Variants in TMEM117 observed in about 807,000 individuals in gnomAD.
TMEM117 encodes transmembrane protein 117.
Under a neutral mutation model 52.4 loss-of-function variants are expected in TMEM117, and 27 were observed. That is an observed-to-expected ratio of 0.51 (90% CI 0.38 to 0.71). The LOEUF (loss-of-function observed/expected upper bound fraction) is 0.71, where lower values mean the gene tolerates loss of function less well. TMEM117 is among the 30% of genes least tolerant of loss of function. The pLI, the probability that TMEM117 is intolerant of heterozygous loss-of-function variation, is 0.00. For synonymous variants in TMEM117, 215 were observed against 206.3 expected, an observed-to-expected ratio of 1.04 and a Z score of -0.36; for missense variants, 556 against 630.5, an observed-to-expected ratio of 0.88 and a Z score of 1.26.
chr12:44,035,744 G>C (rs1002777827), intron 3 of TMEM117, among the ~76,000 whole-genome samples: 1 of 152,174 alleles, frequency 6.6e-6, no homozygotes, highest in Non-Finnish European at 1.5e-5. Flanking sequence ...GAAGTGTTGA[G>C]GTCTTGCAAT....
chr12:44,228,605 C>A (rs529497692), intron 5 of TMEM117, among the ~76,000 whole-genome samples: 1 of 152,074 alleles, frequency 6.6e-6, no homozygotes, highest in South Asian at 2.1e-4. Context: ...AAATTATGAG[C>A]CAGGAAAATT....
At chr12:44,351,291 C>G (rs1484149303) in intron 6 of TMEM117, among the ~76,000 whole-genome samples, 4 of 151,908 alleles carry the variant, frequency 2.6e-5, no homozygotes, top group African/African-American at 9.7e-5. Flanking sequence ...CAAATATTTT[C>G]TCACATTCTG....
chr12:43,986,318 C>T (rs1255053170), intron 3 of TMEM117, among the ~76,000 whole-genome samples: 3 of 152,016 alleles, frequency 2.0e-5, no homozygotes, highest in African/African-American at 7.2e-5. Flanking sequence ...TAGAAGTACT[C>T]ATGATTAAGT....
intron 3 of TMEM117, among the ~76,000 whole-genome samples, chr12:43,993,848 C>A (rs1208476563): frequency 1.3e-5 from 2 of 152,040 alleles, no homozygotes; most frequent in African/African-American, 4.8e-5. Flanking sequence ...GCATGTGCCA[C>A]CCTACTCACC....
At chr12:44,155,768 G>A (rs1948817449) in intron 4 of TMEM117, among the ~76,000 whole-genome samples, 1 of 152,018 alleles carries the variant, frequency 6.6e-6, no homozygotes, top group African/African-American at 2.4e-5. Context: ...TGCAAAGTAG[G>A]ATATAACTTC....
intron 3 of TMEM117, among the ~76,000 whole-genome samples, chr12:44,122,349 T>C (rs1380335350): frequency 2.0e-5 from 3 of 152,112 alleles, no homozygotes; most frequent in Non-Finnish European, 4.4e-5. Context: ...CAGCCTCTTT[T>C]TCTTTTTTGT....
chr12:44,326,202 T>G (rs1951193385), intron 6 of TMEM117, among the ~76,000 whole-genome samples: 1 of 141,256 alleles, frequency 7.1e-6, no homozygotes, highest in Non-Finnish European at 1.5e-5. Context: ...TTGTTTTTTG[T>G]TTTTTATTTA....
chr12:44,210,692 C>T (rs1949634094), intron 4 of TMEM117, among the ~76,000 whole-genome samples: 1 of 152,074 alleles, frequency 6.6e-6, no homozygotes, highest in South Asian at 2.1e-4. Context: ...ACAGTGAAGA[C>T]ATCACAATAG....
intron 2 of TMEM117, among the ~76,000 whole-genome samples, chr12:43,872,513 G>A (rs1004826629): frequency 6.6e-6 from 1 of 152,108 alleles, no homozygotes; most frequent in Non-Finnish European, 1.5e-5. Context: ...TTTTAGTTGA[G>A]AATTTCAAAT....
intron 6 of TMEM117, among the ~76,000 whole-genome samples, chr12:44,313,256 C>T (rs1309916287): frequency 6.6e-6 from 1 of 152,088 alleles, no homozygotes; most frequent in African/African-American, 2.4e-5. Flanking sequence ...ACATTTAAAT[C>T]TTTAATCCCA....
At chr12:43,834,489 T>C (rs1229225349), upstream of TMEM117, among the ~76,000 whole-genome samples, 5 of 152,164 alleles carry the variant, frequency 3.3e-5, no homozygotes, top group Admixed American at 1.3e-4. Context: ...AAAAGTGTAA[T>C]AGTAAAATGT....
At chr12:43,893,493 A>T (rs368462515) in intron 2 of TMEM117, among the ~76,000 whole-genome samples, 114 of 152,168 alleles carry the variant, frequency 7.5e-4, no homozygotes, top group African/African-American at 2.7e-3. Context: ...AAATTTCTCA[A>T]AATTCTGCCT....
chr12:44,222,371 C>A (rs1454444660), intron 5 of TMEM117, among the ~76,000 whole-genome samples: 1 of 152,166 alleles, frequency 6.6e-6, no homozygotes, highest in Non-Finnish European at 1.5e-5. Flanking sequence ...AAAAGGAGGG[C>A]ATCCAGAGCT....
Position 44,214,916 on chromosome 12 carries a change from G to T in TMEM117, c.608+3529G>T, listed in dbSNP as rs564432535. 3.9e-5 allele frequency among the ~76,000 whole-genome samples: 6 copies of T among 152,274 alleles called. No homozygotes were observed. In the East Asian group the frequency reaches 1.2e-3, roughly 29 times the overall value. The stretch of plus-strand genomic sequence containing the variant: ...ATACTTTTCGCATAAAAGGGATTTA[G>T]CAAGTAAAAAGGGCATTTGGGGTTT... On this transcript the variant is annotated intron_variant, in intron 5 of 7. Transcript: ENST00000266534.
At chr12:43,800,650 A>T in the TMEM117 span, 3 of 701,190 alleles carry the variant, frequency 4.3e-6, no homozygotes, top group Non-Finnish European at 7.2e-6. Context: ...GCTGAAGTCC[A>T]CCCACTATAA....
intron 5 of TMEM117, among the ~76,000 whole-genome samples, chr12:44,283,506 A>AT (rs1950602565): frequency 6.6e-6 from 1 of 152,162 alleles, no homozygotes; most frequent in South Asian, 2.1e-4. Context: ...GCCCCACTGG[A>AT]TTTCAGACTT....
intron 3 of TMEM117, among the ~76,000 whole-genome samples, chr12:44,132,067 A>G (rs1948422479): frequency 6.6e-6 from 1 of 152,110 alleles, no homozygotes; most frequent in African/African-American, 2.4e-5. Context: ...GTCTCTGTGC[A>G]TGGATAGGCT....
At chr12:43,981,075 A>G (rs904886205) in intron 3 of TMEM117, among the ~76,000 whole-genome samples, 5 of 152,130 alleles carry the variant, frequency 3.3e-5, no homozygotes, top group African/African-American at 1.2e-4. Context: ...TTCTTCCCCA[A>G]AGCTTTGCAA....
intron 5 of TMEM117, among the ~76,000 whole-genome samples, chr12:44,286,383 G>GA (rs1047186715): frequency 1.3e-5 from 2 of 151,388 alleles, no homozygotes; most frequent in Non-Finnish European, 2.9e-5. Flanking sequence ...ATTTTTGATA[G>GA]AAAAAAATCG....
Sources: allele counts gnomAD v4.1 joint callset (sites outside exome capture counted in the v4.1 genomes callset), GRCh38; gene constraint gnomAD v4.1.1; transcripts MANE v1.5; gene names NCBI Gene and HGNC (gene_info 2026-07-23, HGNC 2026-07-21).